The following GNAQ variants were observed in gnomAD, a reference collection of about 807,000 sequenced individuals.
The protein encoded by GNAQ is G protein subunit alpha q.
GNAQ carries 8 observed loss-of-function variants against 43.9 expected under a neutral mutation model. The observed-to-expected ratio is 0.18, with a 90% CI of 0.11 to 0.33. The LOEUF is 0.33. Among genes scored for constraint, GNAQ ranks in the 10% least tolerant of loss-of-function variants. The pLI is 1.00. For missense variants in GNAQ, 158 were observed against 450.8 expected (o/e 0.35, Z 5.88); for synonymous variants, 155 against 170.7 (o/e 0.91, Z 0.71).
rs541762034 is a variant in GNAQ at position 77,957,496 on chromosome 9, G to A, written c.137-35151C>T. 9.2e-5 allele frequency among the ~76,000 whole-genome samples: 14 copies of A among 152,300 alleles called. No individual in the cohort carries two copies. The South Asian group carries it at 2.1e-3, about 23-fold the overall frequency. On this transcript the variant is annotated intron_variant, in intron 1 of 6. Transcript: ENST00000286548. ...AACTTTGCACTACACACAGGAAGGC[G>A]CAGAATCACCTTTGCATGGAAAGCA...
intron 2 of GNAQ, among the ~76,000 whole-genome samples, chr9:77,827,926 G>A (rs1827224905): frequency 6.6e-5 from 10 of 151,314 alleles, no homozygotes; most frequent in Admixed American, 6.6e-4. Context: ...CGGGCATGGT[G>A]GCAGGCACCT....
intron 1 of GNAQ, among the ~76,000 whole-genome samples, chr9:77,958,835 T>G (rs973109300): frequency 5.9e-5 from 9 of 152,062 alleles, no homozygotes; most frequent in African/African-American, 1.7e-4. Flanking sequence ...CAAAATACAT[T>G]TGCAGACTGA....
intron 2 of GNAQ, among the ~76,000 whole-genome samples, chr9:77,857,212 A>G (rs1827769182): frequency 6.6e-6 from 1 of 152,218 alleles, no homozygotes. Flanking sequence ...CGTTGGTATT[A>G]GCATCTTGCA....
intron 2 of GNAQ, among the ~76,000 whole-genome samples, chr9:77,864,318 G>A (rs1336418502): frequency 6.6e-6 from 1 of 152,054 alleles, no homozygotes; most frequent in African/African-American, 2.4e-5. Context: ...CCAACACTTG[G>A]GGTCAAATTT....
At chr9:77,890,584 G>A (rs1360813746) in intron 2 of GNAQ, among the ~76,000 whole-genome samples, 20 of 152,184 alleles carry the variant, frequency 1.3e-4, no homozygotes, top group South Asian at 6.2e-4. Flanking sequence ...TTAGCCGGGC[G>A]TGGTGGCGCA....
At chr9:78,005,481 G>C (rs1413676770) in intron 1 of GNAQ, among the ~76,000 whole-genome samples, 3 of 152,298 alleles carry the variant, frequency 2.0e-5, no homozygotes, top group Non-Finnish European at 4.4e-5. Context: ...TGAAGAAGGA[G>C]GCCCAATACT....
At chr9:77,796,618 T>C (rs1275790999) in intron 4 of GNAQ, among the ~76,000 whole-genome samples, 1 of 152,230 alleles carries the variant, frequency 6.6e-6, no homozygotes, top group East Asian at 1.9e-4. Flanking sequence ...GATGAGGTAA[T>C]AAATTTTCAT....
intron 5 of GNAQ, among the ~76,000 whole-genome samples, chr9:77,738,317 C>CCACACACA (rs10637243): frequency 6.6e-6 from 1 of 150,734 alleles, no homozygotes; most frequent in Non-Finnish European, 1.5e-5. Flanking sequence ...ACGCTACAAA[C>CCACACACA]CACACACACA....
chr9:77,766,029 G>A (rs562093366), intron 5 of GNAQ, among the ~76,000 whole-genome samples: 2 of 152,298 alleles, frequency 1.3e-5, no homozygotes, highest in South Asian at 2.1e-4. Flanking sequence ...GGTACACAGA[G>A]TAGTCAAATT....
At chr9:77,761,466 G>T (rs1374504367) in intron 5 of GNAQ, among the ~76,000 whole-genome samples, 29 of 126,416 alleles carry the variant, frequency 2.3e-4, no homozygotes, top group Non-Finnish European at 6.8e-5. Context: ...TCAGCCCCCC[G>T]CCTGGCCAGT....
At chr9:77,931,454 G>A (rs1829148883) in intron 1 of GNAQ, among the ~76,000 whole-genome samples, 1 of 152,082 alleles carries the variant, frequency 6.6e-6, no homozygotes, top group South Asian at 2.1e-4. Flanking sequence ...AGCCAGGCAT[G>A]GTGGCAAGCA....
At chr9:77,753,210 A>AG (rs945165561) in intron 5 of GNAQ, among the ~76,000 whole-genome samples, 6 of 152,128 alleles carry the variant, frequency 3.9e-5, no homozygotes, top group African/African-American at 1.4e-4. Context: ...CACATACCCG[A>AG]GGCACATGTT....
intron 2 of GNAQ, among the ~76,000 whole-genome samples, chr9:77,821,309 A>G (rs1040631666): frequency 6.6e-6 from 1 of 152,170 alleles, no homozygotes; most frequent in African/African-American, 2.4e-5. Context: ...TTATTTGCTC[A>G]TTCTAACATA....
At chr9:77,726,045 G>A (rs901398183) in intron 6 of GNAQ, among the ~76,000 whole-genome samples, 2 of 152,114 alleles carry the variant, frequency 1.3e-5, no homozygotes, top group Non-Finnish European at 2.9e-5. Context: ...AGGCAAGCGT[G>A]TTTAGATCTA....
intron 1 of GNAQ, among the ~76,000 whole-genome samples, chr9:77,944,035 C>T (rs1829352369): frequency 1.3e-5 from 2 of 152,010 alleles, no homozygotes; most frequent in South Asian, 4.1e-4. Context: ...TTTAGAAGAA[C>T]ATTCAATAGT....
At chr9:77,870,538 G>A (rs558612194) in intron 2 of GNAQ, among the ~76,000 whole-genome samples, 6 of 151,938 alleles carry the variant, frequency 3.9e-5, no homozygotes, top group Non-Finnish European at 8.8e-5. Context: ...GTGTTAGCCA[G>A]GATGGTCTCG....
At chr9:77,988,675 A>G (rs889792826) in intron 1 of GNAQ, among the ~76,000 whole-genome samples, 2 of 152,200 alleles carry the variant, frequency 1.3e-5, no homozygotes, top group African/African-American at 4.8e-5. Flanking sequence ...GCAAGTGACA[A>G]ATAAAGAATG....
chr9:77,796,553 AAAC>A (rs1826662184), intron 4 of GNAQ, among the ~76,000 whole-genome samples: 1 of 152,236 alleles, frequency 6.6e-6, no homozygotes, highest in African/African-American at 2.4e-5. Context: ...CCTAAAAACA[AAAC>A]AACAGAATGC....
chr9:77,966,461 T>A (rs1432373166), intron 1 of GNAQ, among the ~76,000 whole-genome samples: 1 of 152,312 alleles, frequency 6.6e-6, no homozygotes, highest in East Asian at 1.9e-4. Context: ...AATAGGATTT[T>A]ACTAAGTTGA....
Sources: allele counts gnomAD v4.1 joint callset (sites outside exome capture counted in the v4.1 genomes callset), GRCh38; gene constraint gnomAD v4.1.1; transcripts MANE v1.5; gene names NCBI Gene and HGNC (gene_info 2026-07-23, HGNC 2026-07-21).